NTN1: variants seen among roughly 807,000 people sequenced by gnomAD.
NTN1 encodes the protein netrin-1.
A neutral mutation model predicts 54.2 loss-of-function variants in NTN1; 11 were observed. That is an observed-to-expected ratio of 0.20 (90% CI 0.13 to 0.34). The LOEUF (loss-of-function observed/expected upper bound fraction) is 0.34. Ranked by LOEUF, NTN1 falls within the 10% of genes least tolerant of loss-of-function variation. The pLI, the probability that NTN1 is intolerant of heterozygous loss-of-function variation, is 1.00. For missense variants in NTN1, 740 were observed against 893.1 expected (o/e 0.83, Z 2.18); for synonymous variants, 371 against 382.0 (o/e 0.97, Z 0.33).
chr17:9,159,413 G>A (rs1289248512), intron 2 of NTN1, among the ~76,000 whole-genome samples: 2 of 152,112 alleles, frequency 1.3e-5, no homozygotes, highest in South Asian at 2.1e-4. Context: ...TTTCAAGCAC[G>A]TGGTGAAATA....
intron 2 of NTN1, among the ~76,000 whole-genome samples, chr17:9,099,125 C>T (rs891204331): frequency 5.3e-5 from 8 of 152,200 alleles, no homozygotes; most frequent in Admixed American, 6.5e-5. Flanking sequence ...TCTCATTGGC[C>T]GGGCGCAGTG....
chr17:9,146,718 C>T (rs776775751), intron 2 of NTN1, among the ~76,000 whole-genome samples: 5 of 152,098 alleles, frequency 3.3e-5, no homozygotes, highest in Non-Finnish European at 5.9e-5. Context: ...GGATTTGGCC[C>T]GTGCTATTGG....
At chr17:9,144,571 T>C (rs916158137) in intron 2 of NTN1, among the ~76,000 whole-genome samples, 1 of 151,930 alleles carries the variant, frequency 6.6e-6, no homozygotes, top group Non-Finnish European at 1.5e-5. Flanking sequence ...CTGGGCTGAG[T>C]GTTTTATGGG....
chr17:9,111,013 C>A, intron 2 of NTN1, among the ~76,000 whole-genome samples: 1 of 146,272 alleles, frequency 6.8e-6, no homozygotes, highest in East Asian at 2.0e-4. Flanking sequence ...CGGCTTACTG[C>A]AACCTCCAAC....
rs150053262 is a variant in NTN1, at chr17:9,128,352, G to C, written c.1019-34461G>C. Among the ~76,000 whole-genome samples the C allele has an allele frequency of 2.0e-3, 296 of 151,090 alleles. 2 individuals are homozygous for C. In the East Asian group the frequency reaches 0.023, roughly 12 times the overall value. On this transcript the variant is annotated intron_variant, in intron 2 of 6. Coordinates refer to ENST00000173229, the MANE Select transcript of NTN1 (RefSeq NM_004822.3). Reference sequence around the variant, plus strand: ...AGTATCCCAGGCTGCCCCGACCTCTGCTCTTCCTGTGTTCCACCTGTGAAG... The same window carrying C: ...AGTATCCCAGGCTGCCCCGACCTCTCCTCTTCCTGTGTTCCACCTGTGAAG...
intron 5 of NTN1, among the ~76,000 whole-genome samples, chr17:9,216,023 C>T (rs1905210583): frequency 6.6e-6 from 1 of 152,234 alleles, no homozygotes; most frequent in South Asian, 2.1e-4. Context: ...TGCAGTGGCG[C>T]AGTCACAGCT....
At chr17:9,237,999 G>A (rs569852585) in intron 6 of NTN1, among the ~76,000 whole-genome samples, 83 of 152,256 alleles carry the variant, frequency 5.5e-4, no homozygotes, top group African/African-American at 1.9e-3. Flanking sequence ...GGGAAAATCC[G>A]CTTCCCTCAC....
intron 2 of NTN1, among the ~76,000 whole-genome samples, chr17:9,130,292 C>T (rs2092260515): frequency 6.6e-6 from 1 of 152,154 alleles, no homozygotes; most frequent in South Asian, 2.1e-4. Context: ...TGTGTCCCTG[C>T]TCCTCCGCTG....
intron 2 of NTN1, among the ~76,000 whole-genome samples, chr17:9,093,816 A>G (rs977149825): frequency 1.3e-5 from 2 of 152,100 alleles, no homozygotes; most frequent in African/African-American, 4.8e-5. Flanking sequence ...TCTTCTAAAA[A>G]TATAAAAATT....
intron 2 of NTN1, among the ~76,000 whole-genome samples, chr17:9,127,692 CG>C (rs1567717035): frequency 6.6e-6 from 1 of 152,100 alleles, no homozygotes; most frequent in Admixed American, 6.6e-5. Context: ...GCAGCTCAGA[CG>C]GGGGAACTAG....
chr17:9,205,494 G>T (rs947710694), intron 5 of NTN1, among the ~76,000 whole-genome samples: 5 of 152,252 alleles, frequency 3.3e-5, no homozygotes, highest in Admixed American at 2.0e-4. Flanking sequence ...ATGTTTGGTT[G>T]TGTGCACCTG....
At chr17:9,098,355 G>T (rs1204550801) in intron 2 of NTN1, among the ~76,000 whole-genome samples, 2 of 152,240 alleles carry the variant, frequency 1.3e-5, no homozygotes, top group Non-Finnish European at 2.9e-5. Flanking sequence ...GGAGGCACCT[G>T]TGCAGTCTGG....
intron 2 of NTN1, among the ~76,000 whole-genome samples, chr17:9,101,300 G>A (rs1484809780): frequency 6.6e-6 from 1 of 151,570 alleles, no homozygotes; most frequent in East Asian, 1.9e-4. Context: ...CTATTTCAGG[G>A]AGTTGATTCG....
At chr17:9,083,734 A>C (rs2092080918) in intron 2 of NTN1, among the ~76,000 whole-genome samples, 1 of 152,218 alleles carries the variant, frequency 6.6e-6, no homozygotes, top group Admixed American at 6.5e-5. Context: ...ACATAGAAGG[A>C]CAGGTAGAAG....
intron 5 of NTN1, among the ~76,000 whole-genome samples, chr17:9,185,439 T>C (rs1343110907): frequency 6.6e-6 from 1 of 152,216 alleles, no homozygotes; most frequent in Non-Finnish European, 1.5e-5. Context: ...ATTAATAAGC[T>C]GAGAATTTGT....
chr17:9,189,433 C>G (rs1039591677), intron 5 of NTN1, among the ~76,000 whole-genome samples: 2 of 152,198 alleles, frequency 1.3e-5, no homozygotes, highest in African/African-American at 4.8e-5. Flanking sequence ...CTCACTGCAA[C>G]CTCCACCTTC....
the NTN1 span, among the ~76,000 whole-genome samples, chr17:9,003,530 G>T: frequency 6.7e-6 from 1 of 148,974 alleles, no homozygotes. This position sits in a 1 kb window ranked among gnomAD's most constrained non-coding sequence, Gnocchi z 7.4. Context: ...TAGCCCGCTG[G>T]CCCCGCGGTC....
chr17:9,120,667 C>T lies in NTN1; in HGVS notation c.1019-42146C>T, dbSNP rs112810236. Among the ~76,000 whole-genome samples the T allele has an allele frequency of 2.0e-5, 3 of 152,256 alleles. 1 individual carries two copies. The highest frequency in any genetic ancestry group is 7.2e-5 in the African/African-American group (3 of 41,544). On this transcript the variant is annotated intron_variant, in intron 2 of 6. Transcript: ENST00000173229. ...CTGGATTCTGTTCATCTGCAAGCGC[C>T]CCCAAGAGGCTGCTGGTGGTAGTGT...
chr17:9,199,589 C>G (rs1350649405), intron 5 of NTN1, among the ~76,000 whole-genome samples: 2 of 152,372 alleles, frequency 1.3e-5, no homozygotes, highest in East Asian at 3.9e-4. Context: ...TGCATCCAGC[C>G]ACAGTCAGGG....
Sources: gnomAD v4.1 joint callset for allele counts (sites outside exome capture counted in the v4.1 genomes callset) on GRCh38, gnomAD v4.1.1 for gene constraint, Gnocchi (gnomAD v3.1) non-coding constraint, MANE v1.5 for transcripts, NCBI Gene and HGNC (gene_info 2026-07-23, HGNC 2026-07-21) for gene names.